DLGAP2: variants seen among roughly 807,000 people sequenced by gnomAD.
The protein encoded by DLGAP2 is disks large-associated protein 2.
A neutral mutation model predicts 100.3 loss-of-function variants in DLGAP2; 26 were observed. The ratio of observed to expected loss-of-function variants is 0.26; its 90% CI spans 0.19 to 0.36. The LOEUF is 0.36. DLGAP2 is among the 10% of genes least tolerant of loss of function. The pLI, the probability that DLGAP2 is intolerant of heterozygous loss-of-function variation, is 1.00. For missense variants in DLGAP2, 1,858 were observed against 1,453.2 expected (o/e 1.28, Z -4.53); for synonymous variants, 886 against 630.1 (o/e 1.41, Z -6.08).
intron 2 of DLGAP2, among the ~76,000 whole-genome samples, chr8:1,089,859 T>C (rs1287585507): frequency 6.6e-6 from 1 of 152,128 alleles, no homozygotes; most frequent in East Asian, 1.9e-4. Flanking sequence ...CACTCGGGGG[T>C]TGGAGACACA....
intron 2 of DLGAP2, among the ~76,000 whole-genome samples, chr8:931,416 C>T (rs1352757189): frequency 2.0e-5 from 3 of 152,256 alleles, no homozygotes; most frequent in African/African-American, 7.2e-5. Flanking sequence ...GCATCAGGAA[C>T]ATGTTCTAGA....
intron 12 of DLGAP2, among the ~76,000 whole-genome samples, chr8:1,683,661 G>A (rs543658216): frequency 3.4e-5 from 5 of 149,150 alleles, no homozygotes; most frequent in Non-Finnish European, 6.0e-5. Context: ...AGGATGGGCT[G>A]TCTTAGCGAA....
At chr8:818,049 G>T (rs1380492030) in intron 1 of DLGAP2, among the ~76,000 whole-genome samples, 2 of 152,140 alleles carry the variant, frequency 1.3e-5, no homozygotes, top group Non-Finnish European at 2.9e-5. Flanking sequence ...AGTGGGCAGG[G>T]CCATAGAGCT....
intron 3 of DLGAP2, chr8:1,262,300 A>G (rs972535184): frequency 3.3e-5 from 5 of 152,202 alleles, no homozygotes; most frequent in South Asian, 2.1e-4. Flanking sequence ...TCAATATGCA[A>G]ATTACTTACA....
At chr8:1,070,999 A>G (rs553434407) in intron 2 of DLGAP2, among the ~76,000 whole-genome samples, 1 of 152,266 alleles carries the variant, frequency 6.6e-6, no homozygotes, top group Non-Finnish European at 1.5e-5. Flanking sequence ...GCATTTTAGC[A>G]AACAGTGTGC....
At chr8:956,036 A>G (rs1485763858) in intron 2 of DLGAP2, among the ~76,000 whole-genome samples, 2 of 152,156 alleles carry the variant, frequency 1.3e-5, no homozygotes, top group African/African-American at 4.8e-5. Flanking sequence ...AGATGGGGTG[A>G]TGGTGGAGTT....
At chr8:1,199,833 A>T (rs1563248761) in intron 2 of DLGAP2, among the ~76,000 whole-genome samples, 1 of 151,590 alleles carries the variant, frequency 6.6e-6, no homozygotes, top group African/African-American at 2.4e-5. Context: ...GGGAAAAAAA[A>T]TAACTCTTAG....
At position 1,288,712 on chromosome 8, in the gene DLGAP2, G is replaced by C. The variant is rs1408741231; in HGVS notation, c.106+29829G>C. ...GTGTGTGTGTGTGGTTCTGTTAGGG[G>C]AACTTGTTTCGTTTCAGTGTGTGTG... On this transcript the variant is annotated intron_variant, in intron 3 of 14. Coordinates refer to ENST00000637795, the MANE Select transcript of DLGAP2 (RefSeq NM_001346810.2). Among the ~76,000 whole-genome samples, 3 of 146,566 alleles carry C rather than the reference G, an allele frequency of 2.0e-5. No homozygotes were observed. In the South Asian group the frequency reaches 6.7e-4, roughly 32 times the overall value.
At chr8:1,317,366 G>C (rs867998365) in intron 3 of DLGAP2, among the ~76,000 whole-genome samples, 321 of 112,180 alleles carry the variant, frequency 2.9e-3, no homozygotes, top group East Asian at 5.4e-3. Context: ...CGAGAAACTC[G>C]GCAGCTTTTA....
At chr8:786,468 T>G (rs1012566692) in intron 1 of DLGAP2, among the ~76,000 whole-genome samples, 1 of 152,130 alleles carries the variant, frequency 6.6e-6, no homozygotes, top group African/African-American at 2.4e-5. Flanking sequence ...GCAGCAAGTT[T>G]TGAAAGCGTT....
intron 2 of DLGAP2, among the ~76,000 whole-genome samples, chr8:1,012,878 A>G (rs995507958): frequency 6.6e-6 from 1 of 151,690 alleles, no homozygotes; most frequent in African/African-American, 2.4e-5. Context: ...TGCTGAGACC[A>G]CTGTCCCATG....
chr8:1,542,560 AC>A (rs560777864), intron 4 of DLGAP2, among the ~76,000 whole-genome samples: 74 of 152,288 alleles, frequency 4.9e-4, no homozygotes, highest in African/African-American at 1.8e-3. Context: ...CTGGTGCAGC[AC>A]GTTTCTGGGC....
chr8:1,640,978 C>T (rs562066463), intron 8 of DLGAP2, among the ~76,000 whole-genome samples: 40 of 152,272 alleles, frequency 2.6e-4, no homozygotes, highest in African/African-American at 9.1e-4. Flanking sequence ...AGGGAGAAGC[C>T]GTGGCAGAGC....
At chr8:985,586 CCAAT>C (rs552291385) in intron 2 of DLGAP2, among the ~76,000 whole-genome samples, 12 of 152,114 alleles carry the variant, frequency 7.9e-5, no homozygotes, top group Non-Finnish European at 1.5e-4. Flanking sequence ...GGAGAGTTGA[CCAAT>C]CAAATCATGT....
At chr8:979,156 G>A (rs932224618) in intron 2 of DLGAP2, among the ~76,000 whole-genome samples, 3 of 152,180 alleles carry the variant, frequency 2.0e-5, no homozygotes, top group African/African-American at 7.2e-5. Flanking sequence ...ACATTGTTAA[G>A]ATTCTTCAAA....
intron 1 of DLGAP2, among the ~76,000 whole-genome samples, chr8:881,493 TC>T (rs1554438952): frequency 3.1e-5 from 2 of 64,606 alleles, no homozygotes; most frequent in African/African-American, 5.8e-5. Context: ...CCATTTCATC[TC>T]TCTTTTTTTT....
intron 2 of DLGAP2, among the ~76,000 whole-genome samples, chr8:1,249,115 G>T (rs1171814392): frequency 6.6e-6 from 1 of 152,186 alleles, no homozygotes. Flanking sequence ...CCTGCATGCT[G>T]TCCCTGGGAG....
chr8:1,349,065 G>A (rs1432551165), intron 3 of DLGAP2, among the ~76,000 whole-genome samples: 1 of 151,736 alleles, frequency 6.6e-6, no homozygotes, highest in African/African-American at 2.4e-5. Flanking sequence ...ACTTGCTCCT[G>A]CCAAGTCACC....
intron 8 of DLGAP2, among the ~76,000 whole-genome samples, chr8:1,635,979 C>G (rs1305413787): frequency 6.6e-6 from 1 of 152,164 alleles, no homozygotes; most frequent in Admixed American, 6.5e-5. Context: ...AACAGAATAC[C>G]CTGTGAGGCG....
Sources: allele counts gnomAD v4.1 joint callset (sites outside exome capture counted in the v4.1 genomes callset), GRCh38; gene constraint gnomAD v4.1.1; transcripts MANE v1.5; gene names NCBI Gene and HGNC (gene_info 2026-07-23, HGNC 2026-07-21).